Variants in ACSL1 observed in about 807,000 individuals in gnomAD.
ACSL1 encodes the protein long-chain-fatty-acid--CoA ligase 1.
ACSL1 carries 41 observed loss-of-function variants against 98.4 expected under a neutral mutation model. The ratio of observed to expected loss-of-function variants is 0.42; its 90% CI spans 0.32 to 0.54. ACSL1 has a LOEUF of 0.54. ACSL1 is among the 20% of genes least tolerant of loss of function. The pLI is 0.13. For synonymous variants in ACSL1, 316 were observed against 322.7 expected, an observed-to-expected ratio of 0.98 and a Z score of 0.22; for missense variants, 734 against 883.1, an observed-to-expected ratio of 0.83 and a Z score of 2.14.
chr4:184,767,634 A>G (rs1763816889), intron 12 of ACSL1, among the ~76,000 whole-genome samples: 1 of 152,250 alleles, frequency 6.6e-6, no homozygotes, highest in African/African-American at 2.4e-5. Context: ...AAATCAGCAA[A>G]TTATACAGAG....
At chr4:184,790,930 G>A (rs1268526695) in intron 2 of ACSL1, among the ~76,000 whole-genome samples, 2 of 152,118 alleles carry the variant, frequency 1.3e-5, no homozygotes, top group Non-Finnish European at 1.5e-5. Flanking sequence ...CAAACACACC[G>A]AAGGCACCAA....
At chr4:184,792,355 TAAG>T (rs1166276553) in intron 2 of ACSL1, among the ~76,000 whole-genome samples, 1 of 152,094 alleles carries the variant, frequency 6.6e-6, no homozygotes, top group African/African-American at 2.4e-5. Flanking sequence ...GGGGGTTGAA[TAAG>T]AAGGGGAAGG....
chr4:184,755,677 G>A lies in ACSL1; in HGVS notation c.*1448C>T, dbSNP rs1214422752. 2 of 152,614 alleles carry A rather than the reference G, an allele frequency of 1.3e-5. No individual in the cohort carries two copies. The highest frequency in any genetic ancestry group is 2.9e-5 in the Non-Finnish European group (2 of 68,040). The allele number at this position is 152,614 out of a possible 1,614,324, so 9.5% of individuals were successfully genotyped here. A position where few individuals can be genotyped will look rare whatever the true frequency, so the allele number is the denominator to read the frequency against. ...TTTTGGTTTATAAAACATAGAAATA[G>A]CCAACACTTAAAGCAAACATTCAAA... On this transcript the variant is annotated 3_prime_UTR_variant, in exon 21 of 21. Coordinates refer to ENST00000281455, the MANE Select transcript of ACSL1 (RefSeq NM_001995.5).
rs560875107 is a variant in ACSL1 at position 184,803,359 on chromosome 4, C to A, written c.156G>T (p.Lys52Asn). The change falls in exon 2 of 21, where the codon AAG becomes AAT. Residue 52 changes from lysine (K) to asparagine (N), a missense_variant. Physicochemically the swap from Lys to Asn is moderately conservative, Grantham distance 94. Coordinates refer to ENST00000281455, the MANE Select transcript of ACSL1 (RefSeq NM_001995.5). The surrounding 1 kb of genome is among the most constrained non-coding windows in gnomAD (Gnocchi z 4.8). The part of the protein sequence containing the change: ...FWYATRPKPL[K>N]PPCDLSMQSV... The stretch of plus-strand genomic sequence containing the variant: ...ACTGCATGGAGAGGTCGCATGGCGG[C>A]TTCAGGGGTTTGGGTCTCGTGGCGT... 26 of 1,611,662 alleles carry A rather than the reference C, an allele frequency of 1.6e-5. No homozygotes were observed. The African/African-American group carries it at 3.2e-4, about 20-fold the overall frequency.
At chr4:184,821,573 C>T (rs1773074458) in intron 1 of ACSL1, among the ~76,000 whole-genome samples, 1 of 152,188 alleles carries the variant, frequency 6.6e-6, no homozygotes, top group South Asian at 2.1e-4. Context: ...TAAACCTATT[C>T]ATTAGTAAAA....
chr4:184,764,403 T>C (rs1763275228), intron 15 of ACSL1, among the ~76,000 whole-genome samples: 1 of 152,246 alleles, frequency 6.6e-6, no homozygotes, highest in Admixed American at 6.5e-5. Flanking sequence ...TTTTGAGAAA[T>C]GACTTTTTGA....
intron 1 of ACSL1, among the ~76,000 whole-genome samples, chr4:184,818,261 C>T (rs563687998): frequency 3.3e-5 from 5 of 152,274 alleles, no homozygotes; most frequent in African/African-American, 1.2e-4. Context: ...CACAAGAATA[C>T]CAGGTAAAGG....
Position 184,773,754 on chromosome 4 carries a change from C to G in ACSL1, c.790-40G>C. 1 of 1,602,962 alleles carries G rather than the reference C, an allele frequency of 6.2e-7. No homozygotes were observed. Among genetic ancestry groups the G allele is most frequent in the Non-Finnish European group, 8.5e-7 (1 of 1,176,738 alleles). ...AAAAAAAAGCTGGTATAAATCAGAACAGAAAAGAGAACTATAAGCCACAAG... is the reference window on the plus strand; with the variant it reads ...AAAAAAAAGCTGGTATAAATCAGAAGAGAAAAGAGAACTATAAGCCACAAG... On this transcript the variant is annotated intron_variant, in intron 8 of 20. Transcript: ENST00000281455. This position sits in a 1 kb window ranked among gnomAD's most constrained non-coding sequence, Gnocchi z 4.3.
intron 1 of ACSL1, among the ~76,000 whole-genome samples, chr4:184,812,501 T>A (rs573202352): frequency 1.1e-4 from 16 of 152,188 alleles, no homozygotes; most frequent in Admixed American, 9.8e-4. Context: ...AGAGAACATC[T>A]CCTGGCTGAC....
At chr4:184,820,025 C>A (rs764751760) in intron 1 of ACSL1, among the ~76,000 whole-genome samples, 12 of 151,940 alleles carry the variant, frequency 7.9e-5, no homozygotes, top group Non-Finnish European at 1.8e-4. Context: ...CGACGTCCAG[C>A]CATTCTTTGA....
chr4:184,788,071 G>T (rs1205679258), intron 3 of ACSL1, among the ~76,000 whole-genome samples: 1 of 152,154 alleles, frequency 6.6e-6, no homozygotes, highest in Non-Finnish European at 1.5e-5. Context: ...GGCTCTGCAG[G>T]AAGTTCAGTA....
At chr4:184,795,458 T>C (rs566691376) in intron 2 of ACSL1, among the ~76,000 whole-genome samples, 2 of 152,374 alleles carry the variant, frequency 1.3e-5, no homozygotes, top group East Asian at 1.9e-4. Context: ...CCTACGTATC[T>C]GTAGTGACCT....
intron 5 of ACSL1, among the ~76,000 whole-genome samples, chr4:184,778,337 G>C (rs760824991): frequency 1.3e-5 from 2 of 152,178 alleles, no homozygotes; most frequent in African/African-American, 4.8e-5. Context: ...TCTGAGTTTC[G>C]GTTTTTTCCC....
At chr4:184,770,153 C>G in intron 11 of ACSL1, 1 of 1,137,344 alleles carries the variant, frequency 8.8e-7, no homozygotes, top group Non-Finnish European at 1.2e-6. Flanking sequence ...TGTTCATACT[C>G]AGAAAAAGAA....
At chr4:184,765,020 A>T (rs1047835090) in intron 14 of ACSL1, 95 bp from the exon 15 acceptor site, 57 of 1,211,140 alleles carry the variant, frequency 4.7e-5, no homozygotes, top group Non-Finnish European at 6.6e-5. Flanking sequence ...CTCCCAAGTC[A>T]TGGCTGACTG....
chr4:184,807,442 C>G (rs543031733), intron 1 of ACSL1, among the ~76,000 whole-genome samples: 1 of 152,324 alleles, frequency 6.6e-6, no homozygotes, highest in East Asian at 1.9e-4. Context: ...CCCTCCTCCC[C>G]ACTCTTACAG....
At chr4:184,763,093 T>C (rs41278583) in intron 16 of ACSL1, 74 bp downstream of exon 16, 223,495 of 1,474,948 alleles carry the variant, frequency 0.15, 18,260 homozygotes, top group Non-Finnish European at 0.17. Flanking sequence ...TGTTGGGAAA[T>C]ACCACAGCAT....
At chr4:184,765,331 C>T (rs1763426774) in intron 14 of ACSL1, among the ~76,000 whole-genome samples, 1 of 152,172 alleles carries the variant, frequency 6.6e-6, no homozygotes, top group Admixed American at 6.5e-5. Flanking sequence ...AGCTGCATAC[C>T]TGCTTCTAAA....
chr4:184,764,097 G>A (rs780156609), intron 15 of ACSL1, among the ~76,000 whole-genome samples: 1 of 152,202 alleles, frequency 6.6e-6, no homozygotes, highest in Non-Finnish European at 1.5e-5. Context: ...AAGCTGGGAA[G>A]TTTATTTATC....
Sources: allele counts gnomAD v4.1 joint callset (sites outside exome capture counted in the v4.1 genomes callset), GRCh38; gene constraint gnomAD v4.1.1; non-coding constraint Gnocchi (gnomAD v3.1); transcripts MANE v1.5; gene names NCBI Gene and HGNC (gene_info 2026-07-23, HGNC 2026-07-21).